The following COL14A1 variants were observed in gnomAD, a reference collection of about 807,000 sequenced individuals.
COL14A1 encodes collagen alpha-1(XIV) chain.
A neutral mutation model predicts 230.3 loss-of-function variants in COL14A1; 136 were observed. The ratio of observed to expected loss-of-function variants is 0.59; its 90% CI spans 0.51 to 0.68. COL14A1 has a LOEUF of 0.68. Ranked by LOEUF, COL14A1 falls within the 30% of genes least tolerant of loss-of-function variation. The probability of loss-of-function intolerance (pLI) is 0.00; values close to 1 mark genes in which losing one functional copy is unlikely to be tolerated. For missense variants in COL14A1, 1,976 were observed against 2,215.8 expected, an observed-to-expected ratio of 0.89 and a Z score of 2.17; for synonymous variants, 792 against 784.1, an observed-to-expected ratio of 1.01 and a Z score of -0.17.
intron 40 of COL14A1, among the ~76,000 whole-genome samples, chr8:120,319,466 C>T (rs1821358533): frequency 6.6e-6 from 1 of 152,124 alleles, no homozygotes; most frequent in East Asian, 1.9e-4. Flanking sequence ...CGAGCCACAA[C>T]ACCTGGCCAA....
intron 47 of COL14A1, chr8:120,370,640 G>A (rs1236919879): frequency 4.1e-6 from 6 of 1,457,004 alleles, no homozygotes; most frequent in Non-Finnish European, 5.5e-6. Context: ...AGAGGTATAT[G>A]ATCGTGTGCC....
chr8:120,289,844 G>A (rs1820318517), intron 34 of COL14A1, 78 bp downstream of exon 34: 11 of 1,444,286 alleles, frequency 7.6e-6, no homozygotes, highest in Non-Finnish European at 9.3e-6. Flanking sequence ...TATTTTCCAG[G>A]GGAAAGGTTT....
chr8:120,173,189 A>G (rs1816150441), intron 5 of COL14A1, among the ~76,000 whole-genome samples: 1 of 152,072 alleles, frequency 6.6e-6, no homozygotes, highest in Non-Finnish European at 1.5e-5. Context: ...ATGAGTATGG[A>G]CTGGTGGATT....
intron 45 of COL14A1, among the ~76,000 whole-genome samples, chr8:120,363,511 A>T (rs1188194536): frequency 6.6e-6 from 1 of 152,230 alleles, no homozygotes; most frequent in African/African-American, 2.4e-5. Context: ...AGGTGCAGCA[A>T]ACCACCATGG....
chr8:120,138,698 A>C (rs1814792538), intron 1 of COL14A1, among the ~76,000 whole-genome samples: 1 of 152,218 alleles, frequency 6.6e-6, no homozygotes, highest in African/African-American at 2.4e-5. Flanking sequence ...AGATCTCGTT[A>C]GCTAATCTTG....
At chr8:120,367,320 A>G in intron 46 of COL14A1, 72 bp downstream of exon 46, 3 of 1,250,562 alleles carry the variant, frequency 2.4e-6, no homozygotes, top group Non-Finnish European at 3.4e-6. Context: ...AAGTGAGGAA[A>G]ATGGTCATCT....
At chr8:120,237,927 G>A (rs1396352987) in intron 19 of COL14A1, among the ~76,000 whole-genome samples, 2 of 152,122 alleles carry the variant, frequency 1.3e-5, no homozygotes, top group Non-Finnish European at 2.9e-5. Context: ...TGTGTGCCTG[G>A]GTATCATCAG....
Position 120,194,466 on chromosome 8 carries a change from G to A in COL14A1, c.437-2325G>A, listed in dbSNP as rs897823808. On this transcript the variant is annotated intron_variant, in intron 5 of 47. Transcript: ENST00000297848. ...CTTATGCTTTTATTTTCTTTAAGAT[G>A]TCTTTTGATGACCAACTTAAACATT... Among the ~76,000 whole-genome samples the A allele has an allele frequency of 2.6e-5, 4 of 151,800 alleles. No homozygotes were observed. In the East Asian group the frequency reaches 7.7e-4, roughly 29 times the overall value.
Position 120,128,456 on chromosome 8 carries a change from G to A in COL14A1, c.-38+3116G>A, listed in dbSNP as rs750973395. ...AGTGACAGAAATATGATTAAGAAAA[G>A]TCTATATGGGGCCAGGCACAGTGGC... On this transcript the variant is annotated intron_variant, in intron 1 of 47. Transcript: ENST00000297848. Among the ~76,000 whole-genome samples the A allele has an allele frequency of 3.3e-5, 5 of 152,130 alleles. No homozygotes were observed. In the East Asian group the frequency reaches 9.6e-4, roughly 29 times the overall value.
At chr8:120,280,539 G>A (rs13439158) in intron 29 of COL14A1, among the ~76,000 whole-genome samples, 172 bp from the exon 30 acceptor site, 356 of 152,274 alleles carry the variant, frequency 2.3e-3, no homozygotes, top group African/African-American at 7.9e-3. Context: ...AGGGACCTTA[G>A]CACATTTCAA....
chr8:120,367,332 A>T, intron 46 of COL14A1, 84 bp downstream of exon 46: 1 of 1,075,702 alleles, frequency 9.3e-7, no homozygotes. Context: ...TGGTCATCTT[A>T]CATCCTAGTA....
At chr8:120,212,327 G>T (rs961440257) in intron 12 of COL14A1, 121 bp from the exon 13 acceptor site, 15 of 858,716 alleles carry the variant, frequency 1.7e-5, no homozygotes, top group Non-Finnish European at 2.5e-5. Flanking sequence ...CCTGTTTGAT[G>T]AAGGGGTTGT....
chr8:120,281,202 GT>G (rs1331526133), intron 31 of COL14A1, 143 bp downstream of exon 31: 5 of 709,866 alleles, frequency 7.0e-6, no homozygotes, highest in Non-Finnish European at 1.1e-5. Context: ...ACATTTCTTT[GT>G]TTAAAAACAC....
chr8:120,320,481 T>C (rs575854421), intron 40 of COL14A1, among the ~76,000 whole-genome samples: 5 of 152,218 alleles, frequency 3.3e-5, no homozygotes, highest in Non-Finnish European at 7.3e-5. Flanking sequence ...TTGTGATGAA[T>C]ATCCCATTTC....
Position 120,369,375 on chromosome 8 carries a change from C to G in COL14A1, c.5201C>G (p.Ser1734Cys). The G allele has an allele frequency of 6.2e-7, 1 of 1,607,530 alleles. No homozygotes were observed. Among genetic ancestry groups the G allele is most frequent in the Non-Finnish European group, 8.5e-7 (1 of 1,176,958 alleles). Reference sequence around the variant, plus strand: ...CCTGGCAGCCCTGGGCCCCCTGGCTCTCCTGGACCAAGAGGCCCACCAGGT... The same window carrying G: ...CCTGGCAGCCCTGGGCCCCCTGGCTGTCCTGGACCAAGAGGCCCACCAGGT... ...SRPGSPGPPG[S>C]PGPRGPPGHL... The change falls in exon 47 of 48, where the codon TCT becomes TGT. Residue 1734 changes from serine (S) to cysteine (C), a missense_variant. Ser to Cys is a moderately radical substitution (Grantham distance 112). Around this residue, in one of 3 missense-constraint regions of COL14A1, gnomAD observed 1,791 missense variants for 2,019.5 expected, o/e 0.89. Transcript: ENST00000297848.
rs570728639 is a variant in COL14A1, at chr8:120,278,644, T to C, written c.3481+66T>C. Reference sequence around the variant, plus strand: ...AGAATTGTTATTTTCTAAATACAAATTTATAGGCTATATCAGCATTACTTA... The same window carrying C: ...AGAATTGTTATTTTCTAAATACAAACTTATAGGCTATATCAGCATTACTTA... On this transcript the variant is annotated intron_variant, in intron 28 of 47. Coordinates refer to ENST00000297848, the MANE Select transcript of COL14A1 (RefSeq NM_021110.4). 1.9e-5 allele frequency: 28 copies of C among 1,488,980 alleles called. No homozygotes were observed. The South Asian group carries it at 3.2e-4, about 17-fold the overall frequency. 92.2% of individuals were successfully genotyped at this position (1,488,980 alleles called of 1,614,324 possible). A position where few individuals can be genotyped will look rare whatever the true frequency, so the allele number is the denominator to read the frequency against.
intron 17 of COL14A1, 54 bp downstream of exon 17, chr8:120,227,406 A>C (rs560976897): frequency 6.3e-7 from 1 of 1,594,780 alleles, no homozygotes; most frequent in African/African-American, 1.3e-5. Flanking sequence ...ATCCCTCTTT[A>C]CCCCATCAAT....
chr8:120,180,864 T>C (rs1426676768), intron 5 of COL14A1, among the ~76,000 whole-genome samples: 1 of 152,094 alleles, frequency 6.6e-6, no homozygotes, highest in African/African-American at 2.4e-5. Context: ...GGCCCCAACA[T>C]GCCCAGCTCA....
At chr8:120,279,912 A>G in intron 28 of COL14A1, 23 bp from the exon 29 acceptor site, 4 of 1,608,992 alleles carry the variant, frequency 2.5e-6, no homozygotes, top group Non-Finnish European at 3.4e-6. Context: ...AGTAATCGGA[A>G]ATCTGTTCTC....
Sources: allele counts gnomAD v4.1 joint callset (sites outside exome capture counted in the v4.1 genomes callset), GRCh38; gene constraint gnomAD v4.1.1; regional missense constraint gnomAD v4.1.1; transcripts MANE v1.5; gene names NCBI Gene and HGNC (gene_info 2026-07-23, HGNC 2026-07-21).